CADM2: variants seen among roughly 807,000 people sequenced by gnomAD.
The protein encoded by CADM2 is cell adhesion molecule 2, also known as immunoglobulin superfamily member 4D.
In CADM2, 12 loss-of-function variants were observed where a neutral mutation model predicts 49.8. That is an observed-to-expected ratio of 0.24 (90% CI 0.15 to 0.39). The LOEUF (loss-of-function observed/expected upper bound fraction) is 0.39, where lower values mean the gene tolerates loss of function less well. CADM2 is among the 10% of genes least tolerant of loss of function. The pLI is 1.00. For missense variants in CADM2, 378 were observed against 492.3 expected (o/e 0.77, Z 2.20); for synonymous variants, 214 against 175.4 (o/e 1.22, Z -1.74).
At chr3:85,351,102 A>G (rs978949288) in intron 1 of CADM2, among the ~76,000 whole-genome samples, 2 of 152,164 alleles carry the variant, frequency 1.3e-5, no homozygotes, top group African/African-American at 4.8e-5. Flanking sequence ...AGGGCATATG[A>G]ACATTTAATA....
chr3:85,717,293 G>C (rs1190065852), intron 1 of CADM2, among the ~76,000 whole-genome samples: 1 of 152,096 alleles, frequency 6.6e-6, no homozygotes, highest in Non-Finnish European at 1.5e-5. Flanking sequence ...TTGGCTCTCT[G>C]TTTGTCTATT....
At chr3:85,660,689 G>A (rs1486425367) in intron 1 of CADM2, among the ~76,000 whole-genome samples, 4 of 151,794 alleles carry the variant, frequency 2.6e-5, no homozygotes, top group African/African-American at 9.7e-5. Flanking sequence ...GGCAAAGTAT[G>A]GGGGAAAAAT....
chr3:85,913,730 T>C (rs1403736044), intron 6 of CADM2, among the ~76,000 whole-genome samples: 2 of 152,280 alleles, frequency 1.3e-5, no homozygotes, highest in Middle Eastern at 3.4e-3. Context: ...AATAAATAAA[T>C]GGAACATATC....
chr3:85,904,151 T>C (rs759986182), intron 5 of CADM2, among the ~76,000 whole-genome samples: 7 of 152,196 alleles, frequency 4.6e-5, no homozygotes, highest in Non-Finnish European at 1.0e-4. Flanking sequence ...TTCCCTGTTA[T>C]AGCTGGCTTC....
At chr3:85,377,467 C>T (rs1453026971) in intron 1 of CADM2, among the ~76,000 whole-genome samples, 1 of 151,996 alleles carries the variant, frequency 6.6e-6, no homozygotes. Flanking sequence ...ACATGGACAA[C>T]CTCACAGGTA....
chr3:85,193,042 G>A (rs935590979), intron 1 of CADM2, among the ~76,000 whole-genome samples: 1 of 152,066 alleles, frequency 6.6e-6, no homozygotes, highest in East Asian at 1.9e-4. Context: ...TAAGCCTAAA[G>A]TAATGAATGT....
At chr3:85,996,573 T>A (rs1729448171) in intron 8 of CADM2, among the ~76,000 whole-genome samples, 1 of 152,146 alleles carries the variant, frequency 6.6e-6, no homozygotes, top group Non-Finnish European at 1.5e-5. Flanking sequence ...ATACGTATAA[T>A]ATTTTTCTGG....
At chr3:85,324,316 C>T (rs930348076) in intron 1 of CADM2, among the ~76,000 whole-genome samples, 1 of 152,116 alleles carries the variant, frequency 6.6e-6, no homozygotes, top group Non-Finnish European at 1.5e-5. Context: ...TGCATAGTAA[C>T]AGAATTGAGT....
Position 85,957,917 on chromosome 3 carries a change from G to T in CADM2, c.792-3552G>T, listed in dbSNP as rs531740061. Among the ~76,000 whole-genome samples, 9 of 152,106 alleles carry T rather than the reference G, an allele frequency of 5.9e-5. 1 individual carries two copies. The highest frequency in any genetic ancestry group is 2.2e-4 in the African/African-American group (9 of 41,544). On this transcript the variant is annotated intron_variant, in intron 7 of 9. Transcript: ENST00000383699. ...CATGATGAAAACGCCAAAAGCGATT[G>T]CAACAAAAGCCAAAATTGACAAATG...
At chr3:85,264,807 A>T (rs2043087418) in intron 1 of CADM2, among the ~76,000 whole-genome samples, 1 of 152,072 alleles carries the variant, frequency 6.6e-6, no homozygotes, top group Non-Finnish European at 1.5e-5. Context: ...TATAATTTAA[A>T]TTTTACATTG....
At chr3:85,455,265 A>C (rs2107577136) in intron 1 of CADM2, among the ~76,000 whole-genome samples, 1 of 152,358 alleles carries the variant, frequency 6.6e-6, no homozygotes, top group East Asian at 1.9e-4. Flanking sequence ...AGTAAAGGAT[A>C]TTTAAGGAAA....
chr3:85,305,885 T>A (rs1249396928), intron 1 of CADM2, among the ~76,000 whole-genome samples: 1 of 151,646 alleles, frequency 6.6e-6, no homozygotes, highest in Non-Finnish European at 1.5e-5. Context: ...CTTTCTTTTT[T>A]TGAAATGAAG....
chr3:85,788,465 C>A (rs2071131850), intron 2 of CADM2, among the ~76,000 whole-genome samples: 1 of 150,900 alleles, frequency 6.6e-6, no homozygotes, highest in Admixed American at 6.6e-5. Context: ...ATTTAGTGCA[C>A]CAATGCAATT....
At chr3:85,021,341 T>C (rs971458909) in intron 1 of CADM2, among the ~76,000 whole-genome samples, 2 of 152,100 alleles carry the variant, frequency 1.3e-5, no homozygotes, top group African/African-American at 4.8e-5. Flanking sequence ...AAAAAGTTAG[T>C]GTAGGTGATT....
intron 1 of CADM2, among the ~76,000 whole-genome samples, chr3:85,065,557 T>C (rs1176013327): frequency 6.6e-6 from 1 of 152,166 alleles, no homozygotes; most frequent in African/African-American, 2.4e-5. Flanking sequence ...AAGTTCATAA[T>C]TAACATTTGC....
intron 1 of CADM2, among the ~76,000 whole-genome samples, chr3:85,047,046 G>GT (rs2107388217): frequency 1.3e-5 from 2 of 152,144 alleles, no homozygotes; most frequent in Non-Finnish European, 2.9e-5. Context: ...TTAAATCAAG[G>GT]TATGTAATAA....
At chr3:85,079,882 T>C (rs1414289824) in intron 1 of CADM2, among the ~76,000 whole-genome samples, 1 of 151,794 alleles carries the variant, frequency 6.6e-6, no homozygotes, top group Non-Finnish European at 1.5e-5. Flanking sequence ...ATCACTAAAA[T>C]AGAAGTGTTT....
chr3:85,444,520 T>G (rs1016697003), intron 1 of CADM2, among the ~76,000 whole-genome samples: 1 of 151,802 alleles, frequency 6.6e-6, no homozygotes, highest in African/African-American at 2.4e-5. Context: ...TGGAATAAAG[T>G]TCTCTGAGAT....
At chr3:85,607,506 T>C (rs2063566732) in intron 1 of CADM2, among the ~76,000 whole-genome samples, 1 of 151,950 alleles carries the variant, frequency 6.6e-6, no homozygotes. Flanking sequence ...AACTAAAGAG[T>C]GGAATTAGAA....
Sources: gnomAD v4.1 joint callset for allele counts (sites outside exome capture counted in the v4.1 genomes callset) on GRCh38, gnomAD v4.1.1 for gene constraint, MANE v1.5 for transcripts, NCBI Gene and HGNC (gene_info 2026-07-23, HGNC 2026-07-21) for gene names.